TSHZ2: variants seen among roughly 807,000 people sequenced by gnomAD.
TSHZ2 encodes teashirt zinc finger homeobox 2, also known as teashirt homolog 2.
In TSHZ2, 21 loss-of-function variants were observed where a neutral mutation model predicts 74.4. The observed-to-expected ratio is 0.28, with a 90% CI of 0.20 to 0.41. The LOEUF (loss-of-function observed/expected upper bound fraction) is 0.41. Among genes scored for constraint, TSHZ2 ranks in the 10% least tolerant of loss-of-function variants. TSHZ2 has a pLI of 1.00. For synonymous variants in TSHZ2, 540 were observed against 515.3 expected, an observed-to-expected ratio of 1.05 and a Z score of -0.65; for missense variants, 1,244 against 1,293.5, an observed-to-expected ratio of 0.96 and a Z score of 0.59.
intron 2 of TSHZ2, among the ~76,000 whole-genome samples, chr20:53,462,089 A>T (rs1170871871): frequency 2.0e-5 from 3 of 151,586 alleles, no homozygotes; most frequent in Non-Finnish European, 4.4e-5. Flanking sequence ...AAAAAAAAAG[A>T]AAAAAAGAAA....
intron 1 of TSHZ2, among the ~76,000 whole-genome samples, chr20:53,199,527 T>C (rs539005445): frequency 3.9e-5 from 6 of 152,340 alleles, no homozygotes; most frequent in Admixed American, 1.3e-4. Context: ...GTCTATTCAA[T>C]GTAGACATCT....
intron 2 of TSHZ2, among the ~76,000 whole-genome samples, chr20:53,309,701 C>G (rs1978697535): frequency 6.6e-6 from 1 of 152,186 alleles, no homozygotes; most frequent in Non-Finnish European, 1.5e-5. Context: ...GTCAGCCTGG[C>G]TTTTGCAACA....
At chr20:53,065,183 G>C (rs1288980177) in intron 1 of TSHZ2, among the ~76,000 whole-genome samples, 1 of 152,200 alleles carries the variant, frequency 6.6e-6, no homozygotes, top group Middle Eastern at 3.2e-3. Context: ...CTCTAAGTAT[G>C]ATAATGCGTG....
chr20:53,202,014 C>A (rs1039943948), intron 1 of TSHZ2, among the ~76,000 whole-genome samples: 2 of 152,218 alleles, frequency 1.3e-5, no homozygotes, highest in African/African-American at 4.8e-5. Flanking sequence ...CCATCGCTAA[C>A]CACCACAAGT....
chr20:53,123,526 G>T (rs2123359211), intron 1 of TSHZ2, among the ~76,000 whole-genome samples: 1 of 152,190 alleles, frequency 6.6e-6, no homozygotes, highest in Non-Finnish European at 1.5e-5. Context: ...GGCTAACCTA[G>T]GCATTTTCTT....
intron 2 of TSHZ2, among the ~76,000 whole-genome samples, chr20:53,296,190 C>T (rs55940837): frequency 0.046 from 6,967 of 152,110 alleles, 245 homozygotes; most frequent in African/African-American, 0.094. Context: ...TCTAGGTCTG[C>T]GTTTTTGTCT....
chr20:53,174,037 G>C (rs1209945660), intron 1 of TSHZ2, among the ~76,000 whole-genome samples: 1 of 152,174 alleles, frequency 6.6e-6, no homozygotes, highest in African/African-American at 2.4e-5. Context: ...TGACCACAGG[G>C]AAATTCAGGA....
intron 1 of TSHZ2, among the ~76,000 whole-genome samples, chr20:53,221,424 C>T (rs1989554197): frequency 1.3e-5 from 2 of 151,790 alleles, no homozygotes; most frequent in African/African-American, 2.4e-5. Context: ...ATAGGGGCCA[C>T]CTATTTTTGT....
intron 1 of TSHZ2, among the ~76,000 whole-genome samples, chr20:53,118,627 A>G (rs1348564145): frequency 6.6e-6 from 1 of 152,140 alleles, no homozygotes; most frequent in Non-Finnish European, 1.5e-5. Context: ...GTCATCAGTT[A>G]TGGGTGTCAG....
In TSHZ2 at chr20:53,254,457, C is replaced by T. The variant is rs138194448; in HGVS notation, c.999C>T (p.Pro333=). ...RVFDVNRPCS[P]DSTTGSFADS... is the part of the protein sequence containing the mutation. ...TTGATGTCAATCGGCCGTGTTCCCC[C>T]GATTCAACCACAGGATCTTTTGCAG... Residue 333 remains proline, a synonymous_variant, in exon 2 of 3, where the codon CCC becomes CCT. Coordinates refer to ENST00000371497, the MANE Select transcript of TSHZ2 (RefSeq NM_173485.6). 75 of 1,613,858 alleles carry T rather than the reference C, an allele frequency of 4.6e-5. No homozygotes were observed. In the African/African-American group the frequency reaches 7.3e-4, roughly 16 times the overall value.
intron 1 of TSHZ2, among the ~76,000 whole-genome samples, chr20:53,077,407 C>T (rs1205914055): frequency 2.6e-5 from 1 of 37,792 alleles, no homozygotes; most frequent in Non-Finnish European, 4.5e-5. Flanking sequence ...TAAGACTCTA[C>T]CTCAAAAAAA....
chr20:53,273,076 G>A (rs1052159572), intron 2 of TSHZ2, among the ~76,000 whole-genome samples: 2 of 152,070 alleles, frequency 1.3e-5, no homozygotes, highest in Non-Finnish European at 2.9e-5. Context: ...GTTTGATTCA[G>A]AGAAAGGCCG....
chr20:53,028,951 C>A (rs1429051492), intron 1 of TSHZ2, among the ~76,000 whole-genome samples: 3 of 152,222 alleles, frequency 2.0e-5, no homozygotes, highest in Non-Finnish European at 2.9e-5. Context: ...ACAGCTATGA[C>A]AATGTGTTGC....
intron 1 of TSHZ2, among the ~76,000 whole-genome samples, chr20:53,225,390 T>C (rs184614638): frequency 1.8e-4 from 27 of 152,354 alleles, no homozygotes; most frequent in African/African-American, 6.5e-4. Flanking sequence ...ATAGTAGGCT[T>C]TCAATAACTA....
chr20:53,240,155 T>C (rs1261516069), intron 1 of TSHZ2, among the ~76,000 whole-genome samples: 15 of 152,194 alleles, frequency 9.9e-5, no homozygotes, highest in Admixed American at 3.3e-4. Context: ...TATGTTCTTA[T>C]ATGAAAATAG....
At chr20:53,299,229 C>G (rs183286680) in intron 2 of TSHZ2, among the ~76,000 whole-genome samples, 1 of 152,314 alleles carries the variant, frequency 6.6e-6, no homozygotes, top group East Asian at 1.9e-4. Flanking sequence ...GTCCCACCAA[C>G]AAGGTCAAGA....
chr20:53,430,746 G>A (rs932128810), intron 2 of TSHZ2, among the ~76,000 whole-genome samples: 9 of 152,052 alleles, frequency 5.9e-5, no homozygotes, highest in Admixed American at 3.3e-4. Flanking sequence ...ATTTAGTTTA[G>A]TTTAGTTTAG....
At chr20:52,983,946 G>A (rs962102395) in intron 1 of TSHZ2, among the ~76,000 whole-genome samples, 3 of 152,232 alleles carry the variant, frequency 2.0e-5, no homozygotes, top group East Asian at 1.9e-4. Flanking sequence ...GGCCCCAGGC[G>A]GCGAAGCTTA....
intron 1 of TSHZ2, among the ~76,000 whole-genome samples, chr20:53,004,045 A>G (rs1481157401): frequency 6.6e-6 from 1 of 152,166 alleles, no homozygotes; most frequent in Non-Finnish European, 1.5e-5. Flanking sequence ...AAATGAAAGC[A>G]GGCGAAACCC....
Sources: gnomAD v4.1 joint callset for allele counts (sites outside exome capture counted in the v4.1 genomes callset) on GRCh38, gnomAD v4.1.1 for gene constraint, MANE v1.5 for transcripts, NCBI Gene and HGNC (gene_info 2026-07-23, HGNC 2026-07-21) for gene names.